The following LSAMP variants were observed in gnomAD, a reference collection of about 807,000 sequenced individuals.
The protein encoded by LSAMP is limbic system-associated membrane protein.
A neutral mutation model predicts 38.6 loss-of-function variants in LSAMP; 7 were observed. That is an observed-to-expected ratio of 0.18 (90% CI 0.10 to 0.34). LSAMP has a LOEUF of 0.34. Ranked by LOEUF, LSAMP falls within the 10% of genes least tolerant of loss-of-function variation. The probability of loss-of-function intolerance (pLI) is 1.00; values close to 1 mark genes in which losing one functional copy is unlikely to be tolerated. For synonymous variants in LSAMP, 154 were observed against 166.8 expected (o/e 0.92, Z 0.59); for missense variants, 313 against 420.0 (o/e 0.75, Z 2.23).
At chr3:116,149,514 C>G (rs13067291) in intron 1 of LSAMP, among the ~76,000 whole-genome samples, 1,654 of 152,066 alleles carry the variant, frequency 0.011, 11 homozygotes, top group Non-Finnish European at 0.019. Context: ...GAGATTGAAC[C>G]TTGGGCATTT....
rs368501058 is a variant in LSAMP, at chr3:115,938,283, A to G, written c.514+81232T>C. Among the ~76,000 whole-genome samples, 775 of 152,286 alleles carry G rather than the reference A, an allele frequency of 5.1e-3. 6 individuals carry two copies. The highest frequency in any genetic ancestry group is 8.0e-3 in the Non-Finnish European group (546 of 68,014). ...AATTACCTTGATTCTAAATCACAAA[A>G]TAAATACATCATTGTACACTCATTT... is the stretch of plus-strand genomic sequence containing the variant. On this transcript the variant is annotated intron_variant, in intron 3 of 6. Transcript: ENST00000490035.
intron 1 of LSAMP, among the ~76,000 whole-genome samples, chr3:116,438,133 G>T (rs763419271): frequency 6.7e-6 from 1 of 150,280 alleles, no homozygotes; most frequent in Non-Finnish European, 1.5e-5. Flanking sequence ...AGATACTTGT[G>T]ACTTTAAAGG....
At chr3:116,072,315 G>C (rs1707626212) in intron 2 of LSAMP, among the ~76,000 whole-genome samples, 1 of 152,114 alleles carries the variant, frequency 6.6e-6, no homozygotes, top group Admixed American at 6.5e-5. Flanking sequence ...ATGGGCATTT[G>C]GGTTGATTCT....
At chr3:115,830,761 G>A (rs1934582123) in intron 6 of LSAMP, among the ~76,000 whole-genome samples, 1 of 152,136 alleles carries the variant, frequency 6.6e-6, no homozygotes, top group Non-Finnish European at 1.5e-5. Context: ...GATCTTCACA[G>A]CATGGGATAT....
Position 115,999,909 on chromosome 3 carries a change from C to T in LSAMP, c.514+19606G>A, listed in dbSNP as rs192949590. Among the ~76,000 whole-genome samples the T allele has an allele frequency of 1.6e-3, 251 of 152,274 alleles. 1 individual carries two copies. Among genetic ancestry groups the T allele is most frequent in the African/African-American group, 5.9e-3 (246 of 41,556 alleles). ...CTGCACAGCTGTCAGCTGCCATTAGCAGGTTCCTGACAAGAACATGTGGCG... is the reference window on the plus strand; with the variant it reads ...CTGCACAGCTGTCAGCTGCCATTAGTAGGTTCCTGACAAGAACATGTGGCG... On this transcript the variant is annotated intron_variant, in intron 3 of 6. Transcript: ENST00000490035.
chr3:116,392,195 C>T (rs551487726), intron 1 of LSAMP, among the ~76,000 whole-genome samples: 1 of 152,292 alleles, frequency 6.6e-6, no homozygotes, highest in Admixed American at 6.5e-5. Flanking sequence ...CAAGCGGGAG[C>T]CCTGCCCATT....
intron 1 of LSAMP, among the ~76,000 whole-genome samples, chr3:116,273,791 A>ATATCTATC (rs35216627): frequency 7.1e-6 from 1 of 141,408 alleles, no homozygotes; most frequent in East Asian, 2.1e-4. Context: ...ACAGATATAT[A>ATATCTATC]TATCTTTCTC....
intron 3 of LSAMP, among the ~76,000 whole-genome samples, chr3:115,888,086 G>A (rs548228405): frequency 6.6e-6 from 1 of 151,922 alleles, no homozygotes; most frequent in East Asian, 1.9e-4. Flanking sequence ...GCAAATAGTT[G>A]TCCTTTTATA....
chr3:115,915,000 G>A (rs759839822), intron 3 of LSAMP, among the ~76,000 whole-genome samples: 7 of 152,202 alleles, frequency 4.6e-5, no homozygotes, highest in Admixed American at 1.3e-4. Flanking sequence ...GGGTGTGTTA[G>A]GTACTTCTTT....
At chr3:116,110,403 A>G (rs1217476539) in intron 1 of LSAMP, among the ~76,000 whole-genome samples, 2 of 152,200 alleles carry the variant, frequency 1.3e-5, no homozygotes, top group Admixed American at 6.5e-5. Flanking sequence ...CCCTTGAAAC[A>G]TGGGTGAATA....
intron 1 of LSAMP, among the ~76,000 whole-genome samples, chr3:116,095,406 GACT>G (rs529292329): frequency 1.3e-4 from 20 of 152,304 alleles, no homozygotes; most frequent in African/African-American, 4.8e-4. Context: ...ATACATGCAT[GACT>G]ACATTTCAGA....
chr3:115,981,720 C>A (rs1939365831), intron 3 of LSAMP, among the ~76,000 whole-genome samples: 1 of 152,168 alleles, frequency 6.6e-6, no homozygotes, highest in African/African-American at 2.4e-5. Flanking sequence ...TGTTCTCTTG[C>A]AGACCTGATT....
At chr3:116,073,448 G>A (rs1408358210) in intron 2 of LSAMP, among the ~76,000 whole-genome samples, 1 of 152,086 alleles carries the variant, frequency 6.6e-6, no homozygotes, top group Non-Finnish European at 1.5e-5. Flanking sequence ...TTCTAATTCT[G>A]TGAAGAATGT....
intron 1 of LSAMP, among the ~76,000 whole-genome samples, chr3:116,365,928 G>A (rs1335008854): frequency 1.0e-5 from 1 of 100,034 alleles, no homozygotes; most frequent in Non-Finnish European, 1.9e-5. Context: ...ACACATTAGT[G>A]GGTGCAGCGC....
intron 1 of LSAMP, among the ~76,000 whole-genome samples, chr3:116,148,217 A>C (rs1161457134): frequency 6.6e-6 from 1 of 151,964 alleles, no homozygotes; most frequent in East Asian, 1.9e-4. Context: ...AAGAAAGAAC[A>C]GAGGATTTTA....
chr3:116,163,876 CA>C (rs199877111), intron 1 of LSAMP, among the ~76,000 whole-genome samples: 124 of 151,158 alleles, frequency 8.2e-4, no homozygotes, highest in African/African-American at 2.7e-3. Context: ...TAAAAAAACA[CA>C]AAAAAAACGA....
chr3:116,325,137 C>T (rs1348230714), intron 1 of LSAMP, among the ~76,000 whole-genome samples: 1 of 150,414 alleles, frequency 6.6e-6, no homozygotes, highest in Middle Eastern at 3.2e-3. Flanking sequence ...TATTATTTCA[C>T]ATATATACTA....
intron 3 of LSAMP, among the ~76,000 whole-genome samples, chr3:115,889,744 A>G (rs1031117286): frequency 6.6e-6 from 1 of 151,926 alleles, no homozygotes; most frequent in Admixed American, 6.6e-5. Flanking sequence ...TCTATAAACA[A>G]TATGGCATTA....
chr3:116,310,384 A>G (rs1273804381), intron 1 of LSAMP, among the ~76,000 whole-genome samples: 1 of 152,184 alleles, frequency 6.6e-6, no homozygotes, highest in Admixed American at 6.5e-5. Context: ...AGGTTCTGGA[A>G]GGTGCCGATT....
Sources: allele counts gnomAD v4.1 joint callset (sites outside exome capture counted in the v4.1 genomes callset), GRCh38; gene constraint gnomAD v4.1.1; transcripts MANE v1.5; gene names NCBI Gene and HGNC (gene_info 2026-07-23, HGNC 2026-07-21).